The following PDZD8 variants were observed in gnomAD, a reference collection of about 807,000 sequenced individuals.
The protein encoded by PDZD8 is PDZ domain-containing protein 8.
PDZD8 carries 14 observed loss-of-function variants against 85.8 expected under a neutral mutation model. The observed-to-expected ratio is 0.16, with a 90% CI of 0.11 to 0.26. The LOEUF (loss-of-function observed/expected upper bound fraction) is 0.26, where lower values mean the gene tolerates loss of function less well. PDZD8 is among the 10% of genes least tolerant of loss of function. The pLI, the probability that PDZD8 is intolerant of heterozygous loss-of-function variation, is 1.00. For synonymous variants in PDZD8, 592 were observed against 568.6 expected (o/e 1.04, Z -0.59); for missense variants, 1,197 against 1,424.3 (o/e 0.84, Z 2.57).
chr10:117,302,614 T>C (rs537902763), intron 3 of PDZD8, among the ~76,000 whole-genome samples: 5 of 152,342 alleles, frequency 3.3e-5, no homozygotes, highest in African/African-American at 1.2e-4. Context: ...AAAAATTATA[T>C]ATGCAGTTGT....
rs1844595703 is a variant in PDZD8 at position 117,283,201 on chromosome 10, G to A, written c.*67C>T. 8 of 1,456,062 alleles carry A rather than the reference G, an allele frequency of 5.5e-6. No homozygotes were observed. The highest frequency in any genetic ancestry group is 2.7e-5 in the South Asian group (2 of 73,836). 90.2% of individuals were successfully genotyped at this position (1,456,062 alleles called of 1,614,324 possible). On this transcript the variant is annotated 3_prime_UTR_variant, in exon 5 of 5. Coordinates refer to ENST00000334464, the MANE Select transcript of PDZD8 (RefSeq NM_173791.5). ...GAGTGCATACGAGGATTTAAACATG[G>A]TTGTATCTGTGGTACTTTAGATGCA... is the stretch of plus-strand genomic sequence containing the variant.
intron 1 of PDZD8, among the ~76,000 whole-genome samples, chr10:117,342,164 ATTG>A (rs1428723213): frequency 6.6e-6 from 1 of 152,172 alleles, no homozygotes; most frequent in Non-Finnish European, 1.5e-5. Flanking sequence ...CATCACTAAT[ATTG>A]TTGTTTTTAT....
At chr10:117,371,603 C>G (rs1045357261) in intron 1 of PDZD8, among the ~76,000 whole-genome samples, 2 of 152,144 alleles carry the variant, frequency 1.3e-5, no homozygotes, top group Non-Finnish European at 2.9e-5. Flanking sequence ...AAACCGGCTT[C>G]CTGGCTACTT....
chr10:117,343,357 CGAGTT>C (rs1844649452), intron 1 of PDZD8, among the ~76,000 whole-genome samples: 1 of 152,104 alleles, frequency 6.6e-6, no homozygotes, highest in African/African-American at 2.4e-5. Context: ...GAAAGCCCCC[CGAGTT>C]TCTCCCAACT....
intron 2 of PDZD8, among the ~76,000 whole-genome samples, chr10:117,328,095 T>A (rs909641312): frequency 5.3e-5 from 8 of 152,234 alleles, no homozygotes; most frequent in Admixed American, 4.6e-4. Context: ...AAAAAATTAT[T>A]TCTTAGGATT....
chr10:117,301,518 A>T (rs1843847163), intron 3 of PDZD8, among the ~76,000 whole-genome samples: 1 of 152,206 alleles, frequency 6.6e-6, no homozygotes, highest in South Asian at 2.1e-4. Context: ...TATGTACAAC[A>T]TACTTGGCAG....
In PDZD8 at chr10:117,374,700, G is replaced by T. The variant is rs750655167; in HGVS notation, c.528C>A (p.Gly176=). The T allele has an allele frequency of 1.2e-6, 2 of 1,602,606 alleles. No homozygotes were observed. Among genetic ancestry groups the T allele is most frequent in the Non-Finnish European group, 1.7e-6 (2 of 1,175,202 alleles). Residue 176 remains glycine (G), a synonymous_variant, in exon 1 of 5, where the codon GGC becomes GGA. Transcript: ENST00000334464. This position sits in a 1 kb window ranked among gnomAD's most constrained non-coding sequence, Gnocchi z 7.8. The part of the protein sequence containing the change: ...VVPSATGEPD[G]PEGEALPAAC... ...CGGCGGGCAGCGCCTCCCCTTCAGGGCCATCGGGCTCCCCGGTGGCCGAGG... is the reference window on the plus strand; with the variant it reads ...CGGCGGGCAGCGCCTCCCCTTCAGGTCCATCGGGCTCCCCGGTGGCCGAGG...
intron 3 of PDZD8, among the ~76,000 whole-genome samples, chr10:117,305,494 AC>A: frequency 6.6e-6 from 1 of 151,184 alleles, no homozygotes; most frequent in Non-Finnish European, 1.5e-5. Context: ...ACACACACAC[AC>A]ACACACACAC....
Position 117,279,672 on chromosome 10 carries a change from T to C in PDZD8, c.*3596A>G, listed in dbSNP as rs1209286300. ...AACCAGGAAGTTATCCTTCCATCTA[T>C]AAACATTGTTGTCCTGATGGTTGTC... On this transcript the variant is annotated 3_prime_UTR_variant, in exon 5 of 5. Coordinates refer to ENST00000334464, the MANE Select transcript of PDZD8 (RefSeq NM_173791.5). The C allele has an allele frequency of 6.6e-6, 1 of 152,218 alleles. No individual in the cohort carries two copies. Among genetic ancestry groups the C allele is most frequent in the African/African-American group, 2.4e-5 (1 of 41,460 alleles). 9.4% of individuals were successfully genotyped at this position (152,218 alleles called of 1,614,324 possible).
intron 4 of PDZD8, among the ~76,000 whole-genome samples, chr10:117,286,392 C>T (rs985564892): frequency 2.0e-5 from 3 of 152,208 alleles, no homozygotes; most frequent in African/African-American, 7.2e-5. Context: ...TTATGTAGAA[C>T]TTAGAGAAAG....
At chr10:117,285,679 C>G in intron 4 of PDZD8, 1 of 1,197,216 alleles carries the variant, frequency 8.4e-7, no homozygotes. Context: ...GTGCTGATAT[C>G]CTGGAGATGT....
Position 117,369,283 on chromosome 10 carries a change from T to C in PDZD8, c.872+5073A>G, listed in dbSNP as rs1260900161. Among the ~76,000 whole-genome samples the C allele has an allele frequency of 2.0e-5, 3 of 151,954 alleles. No homozygotes were observed. The East Asian group carries it at 5.8e-4, about 29-fold the overall frequency. On this transcript the variant is annotated intron_variant, in intron 1 of 4. Coordinates refer to ENST00000334464, the MANE Select transcript of PDZD8 (RefSeq NM_173791.5). ...AAGCGATTCTCCTGCCTCAGCCTCC[T>C]GAGTAACTGGAATTACAGGCATGTG...
At chr10:117,366,157 G>A (rs143620199) in intron 1 of PDZD8, among the ~76,000 whole-genome samples, 175 of 152,128 alleles carry the variant, frequency 1.2e-3, no homozygotes, top group African/African-American at 4.1e-3. Flanking sequence ...ATTTTAAGAA[G>A]GTAAGCAAAA....
rs7907208 is a variant in PDZD8, at chr10:117,306,687, T to C, written c.1098+12185A>G. 2.0e-5 allele frequency among the ~76,000 whole-genome samples: 3 copies of C among 151,552 alleles called. No homozygotes were observed. The East Asian group carries it at 5.8e-4, about 29-fold the overall frequency. On this transcript the variant is annotated intron_variant, in intron 3 of 4. Transcript: ENST00000334464. ...TTTTTTTATAAATAAGGTTTTTTTT[T>C]AAAAAATTACTTTTTTATCTTGAAA...
intron 3 of PDZD8, among the ~76,000 whole-genome samples, chr10:117,302,374 A>G (rs1843861624): frequency 6.6e-6 from 1 of 152,242 alleles, no homozygotes; most frequent in South Asian, 2.1e-4. Flanking sequence ...CAATCACACC[A>G]TCTTTTTCAA....
In PDZD8 at chr10:117,280,038, A is replaced by T. The variant is rs1464755684; in HGVS notation, c.*3230T>A. 6.6e-6 allele frequency: 1 copy of T among 151,914 alleles called. No homozygotes were observed. The highest frequency in any genetic ancestry group is 2.4e-5 in the African/African-American group (1 of 41,284). The allele number at this position is 151,914 out of a possible 1,614,324, so 9.4% of individuals were successfully genotyped here. On this transcript the variant is annotated 3_prime_UTR_variant, in exon 5 of 5. Transcript: ENST00000334464. The stretch of plus-strand genomic sequence containing the variant: ...GAGCCAAATATTTCCAAATTGCTTT[A>T]AAAAAAATTCAGCTATACATTTAGA...
At chr10:117,340,138 C>G (rs1047321926) in intron 2 of PDZD8, among the ~76,000 whole-genome samples, 1 of 152,154 alleles carries the variant, frequency 6.6e-6, no homozygotes, top group African/African-American at 2.4e-5. Flanking sequence ...GAGATCGCTT[C>G]CAGTTCTAAA....
At chr10:117,370,206 T>C (rs571630460) in intron 1 of PDZD8, among the ~76,000 whole-genome samples, 4 of 152,304 alleles carry the variant, frequency 2.6e-5, no homozygotes, top group East Asian at 3.9e-4. Flanking sequence ...TGTAAACATA[T>C]TGTCTACATA....
intron 1 of PDZD8, among the ~76,000 whole-genome samples, chr10:117,356,677 A>C (rs1342439642): frequency 2.0e-5 from 3 of 152,244 alleles, no homozygotes; most frequent in African/African-American, 7.2e-5. Context: ...TATGTACTTT[A>C]CTATTAATCT....
Sources: gnomAD v4.1 joint callset for allele counts (sites outside exome capture counted in the v4.1 genomes callset) on GRCh38, gnomAD v4.1.1 for gene constraint, Gnocchi (gnomAD v3.1) non-coding constraint, MANE v1.5 for transcripts, NCBI Gene and HGNC (gene_info 2026-07-23, HGNC 2026-07-21) for gene names.